Variants in NRCAM observed in about 807,000 individuals in gnomAD.
NRCAM encodes NgCAM-related cell adhesion molecule.
NRCAM carries 83 observed loss-of-function variants against 156.5 expected under a neutral mutation model. The observed-to-expected ratio is 0.53, with a 90% CI of 0.44 to 0.64. The LOEUF (loss-of-function observed/expected upper bound fraction) is 0.64, where lower values mean the gene tolerates loss of function less well. NRCAM is among the 30% of genes least tolerant of loss of function. The probability of loss-of-function intolerance (pLI) is 0.00; values close to 1 mark genes in which losing one functional copy is unlikely to be tolerated. For synonymous variants in NRCAM, 538 were observed against 563.9 expected, an observed-to-expected ratio of 0.95 and a Z score of 0.65; for missense variants, 1,417 against 1,597.3, an observed-to-expected ratio of 0.89 and a Z score of 1.92.
chr7:108,319,635 G>C lies in NRCAM; in HGVS notation c.-173-6904C>G, dbSNP rs111968480. Among the ~76,000 whole-genome samples the C allele has an allele frequency of 6.5e-4, 99 of 152,280 alleles. 1 individual carries two copies. The highest frequency in any genetic ancestry group is 2.4e-3 in the African/African-American group (98 of 41,560). ...CAATTTTGAAAAGTTGTTAAGGCAG[G>C]GGTGTGTGGTGCTCCTAGAGTGTGT... On this transcript the variant is annotated intron_variant, in intron 2 of 32. Coordinates refer to ENST00000379028, the MANE Select transcript of NRCAM (RefSeq NM_001037132.4).
intron 1 of NRCAM, among the ~76,000 whole-genome samples, chr7:108,415,487 T>C (rs559547043): frequency 6.6e-6 from 1 of 152,298 alleles, no homozygotes; most frequent in East Asian, 1.9e-4. Flanking sequence ...TTAGATCTGA[T>C]GCAATGAGAA....
rs181536899 is a variant in NRCAM, at chr7:108,266,618, A to G, written c.-106-26448T>C. Among the ~76,000 whole-genome samples, 192 of 152,322 alleles carry G rather than the reference A, an allele frequency of 1.3e-3. 1 individual carries two copies. The highest frequency in any genetic ancestry group is 4.4e-3 in the African/African-American group (183 of 41,570). On this transcript the variant is annotated intron_variant, in intron 3 of 32. Coordinates refer to ENST00000379028, the MANE Select transcript of NRCAM (RefSeq NM_001037132.4). ...TGTCTTTTCTGTCTCTAGGTGCCCA[A>G]AATTGTCATAAAGAGACAATCTCTT...
intron 2 of NRCAM, among the ~76,000 whole-genome samples, chr7:108,378,981 T>C (rs1408597678): frequency 6.6e-6 from 1 of 152,158 alleles, no homozygotes; most frequent in African/African-American, 2.4e-5. Flanking sequence ...CCTGAAATCC[T>C]GACATTAAGC....
At chr7:108,328,643 G>C (rs917323690) in intron 2 of NRCAM, 9 of 152,172 alleles carry the variant, frequency 5.9e-5, no homozygotes, top group African/African-American at 2.2e-4. Context: ...GCCTGGCTTT[G>C]TGGCAATACA....
At chr7:108,363,932 G>T (rs2099575294) in intron 2 of NRCAM, among the ~76,000 whole-genome samples, 1 of 152,108 alleles carries the variant, frequency 6.6e-6, no homozygotes, top group African/African-American at 2.4e-5. Context: ...CAAATAAAAT[G>T]TAATATGGTA....
intron 32 of NRCAM, 85 bp downstream of exon 32, chr7:108,159,378 G>T: frequency 8.7e-7 from 1 of 1,155,002 alleles, no homozygotes; most frequent in Non-Finnish European, 1.3e-6. Flanking sequence ...GAGATGCCAG[G>T]CAGAGCATAT....
intron 1 of NRCAM, among the ~76,000 whole-genome samples, chr7:108,440,646 T>C (rs1211580498): frequency 6.6e-6 from 1 of 152,208 alleles, no homozygotes; most frequent in East Asian, 1.9e-4. Flanking sequence ...CTGATTGCTC[T>C]GCTAGGGAGT....
chr7:108,405,817 T>C (rs1177973898), intron 1 of NRCAM, among the ~76,000 whole-genome samples: 1 of 152,138 alleles, frequency 6.6e-6, no homozygotes, highest in African/African-American at 2.4e-5. Context: ...TTTCATATTT[T>C]TGAATTAAGA....
chr7:108,303,508 G>A (rs2098664538), intron 3 of NRCAM, among the ~76,000 whole-genome samples: 1 of 152,134 alleles, frequency 6.6e-6, no homozygotes, highest in Non-Finnish European at 1.5e-5. Context: ...TATAGCTGCT[G>A]GGGTGTCTGT....
chr7:108,212,103 G>T (rs554663403), intron 11 of NRCAM, among the ~76,000 whole-genome samples: 3 of 152,210 alleles, frequency 2.0e-5, no homozygotes, highest in African/African-American at 7.2e-5. Context: ...GCAGCCTGGA[G>T]ATGGGTAGAC....
intron 3 of NRCAM, among the ~76,000 whole-genome samples, chr7:108,307,272 C>G (rs553509027): frequency 6.6e-6 from 1 of 151,616 alleles, no homozygotes; most frequent in Admixed American, 6.6e-5. Context: ...ATCCCAGGAA[C>G]ACATTAATCA....
At chr7:108,297,028 G>A (rs977567310) in intron 3 of NRCAM, among the ~76,000 whole-genome samples, 1 of 152,058 alleles carries the variant, frequency 6.6e-6, no homozygotes, top group Non-Finnish European at 1.5e-5. Context: ...TGGCTGTGTC[G>A]ATTAAGAGCC....
intron 28 of NRCAM, among the ~76,000 whole-genome samples, chr7:108,173,867 G>A (rs940869387): frequency 1.3e-5 from 2 of 152,132 alleles, no homozygotes; most frequent in African/African-American, 2.4e-5. Flanking sequence ...TAAAAACAGA[G>A]GGGTGATGTT....
At chr7:108,275,358 C>G (rs1157401641) in intron 3 of NRCAM, among the ~76,000 whole-genome samples, 2 of 152,126 alleles carry the variant, frequency 1.3e-5, no homozygotes, top group African/African-American at 2.4e-5. Context: ...GCTGGGAATC[C>G]ATCTTGTCCT....
chr7:108,403,661 C>T (rs895200368), intron 1 of NRCAM, among the ~76,000 whole-genome samples: 1 of 152,148 alleles, frequency 6.6e-6, no homozygotes, highest in East Asian at 1.9e-4. Flanking sequence ...AATGAGGTTT[C>T]GGCATCATTA....
Position 108,232,531 on chromosome 7 carries a change from C to T in NRCAM, c.231-9G>A, listed in dbSNP as rs768916220. The T allele has an allele frequency of 4.4e-6, 7 of 1,601,882 alleles. No homozygotes were observed. The highest frequency in any genetic ancestry group is 5.1e-6 in the Non-Finnish European group (6 of 1,174,424). On this transcript the variant is annotated splice_polypyrimidine_tract_variant and intron_variant, in intron 6 of 32. Transcript: ENST00000379028. The stretch of plus-strand genomic sequence containing the variant: ...TACGGGTCCAGGAAAAGCTGCCCAA[C>T]ACACGAAGTGTTAAGTGTATTAATG...
At chr7:108,353,726 G>T (rs1178533951) in intron 2 of NRCAM, among the ~76,000 whole-genome samples, 1 of 152,226 alleles carries the variant, frequency 6.6e-6, no homozygotes, top group Non-Finnish European at 1.5e-5. Flanking sequence ...CCAGCTCTTA[G>T]AACACATGGC....
chr7:108,193,989 A>C, intron 17 of NRCAM, 35 bp downstream of exon 17: 2 of 1,603,078 alleles, frequency 1.2e-6, no homozygotes, highest in South Asian at 2.2e-5. Context: ...TTAAAGAAAG[A>C]ATGAAGAGAA....
chr7:108,322,533 A>G (rs1471507334), intron 2 of NRCAM, among the ~76,000 whole-genome samples: 3 of 152,096 alleles, frequency 2.0e-5, no homozygotes, highest in Non-Finnish European at 4.4e-5. Flanking sequence ...GATTTTTTGA[A>G]CCAAATGGAA....
Sources: gnomAD v4.1 joint callset for allele counts (sites outside exome capture counted in the v4.1 genomes callset) on GRCh38, gnomAD v4.1.1 for gene constraint, MANE v1.5 for transcripts, NCBI Gene and HGNC (gene_info 2026-07-23, HGNC 2026-07-21) for gene names.